The following SGCD variants were observed in gnomAD, a reference collection of about 807,000 sequenced individuals.
SGCD encodes the protein sarcoglycan delta.
SGCD carries 18 observed loss-of-function variants against 36.6 expected under a neutral mutation model. The observed-to-expected ratio is 0.49, with a 90% CI of 0.34 to 0.73. SGCD has a LOEUF of 0.73. SGCD is among the 30% of genes least tolerant of loss of function. The pLI is 0.01. For synonymous variants in SGCD, 133 were observed against 130.6 expected (o/e 1.02, Z -0.12); for missense variants, 387 against 346.7 (o/e 1.12, Z -0.92).
At chr5:156,026,746 C>A (rs78669601) in intron 1 of SGCD, among the ~76,000 whole-genome samples, 7 of 152,046 alleles carry the variant, frequency 4.6e-5, no homozygotes, top group Non-Finnish European at 8.8e-5. Context: ...TCAGATCAGG[C>A]GGTTGTAAGA....
intron 4 of SGCD, among the ~76,000 whole-genome samples, chr5:156,585,415 C>A (rs542755342): frequency 5.9e-5 from 9 of 152,210 alleles, no homozygotes; most frequent in Non-Finnish European, 1.3e-4. Context: ...GAAAAACTTA[C>A]AAACTATCCT....
At chr5:156,279,793 A>C (rs1766404544) in intron 3 of SGCD, among the ~76,000 whole-genome samples, 1 of 152,136 alleles carries the variant, frequency 6.6e-6, no homozygotes, top group African/African-American at 2.4e-5. Context: ...ACTCCCCTAC[A>C]CATGGAAATC....
intron 6 of SGCD, among the ~76,000 whole-genome samples, chr5:156,623,378 C>T (rs1235344956): frequency 1.3e-5 from 2 of 152,196 alleles, no homozygotes; most frequent in African/African-American, 4.8e-5. Flanking sequence ...AGCCCAAATA[C>T]ATCCTTGACA....
intron 3 of SGCD, among the ~76,000 whole-genome samples, chr5:156,495,551 G>A (rs574874214): frequency 6.6e-6 from 1 of 152,280 alleles, no homozygotes; most frequent in East Asian, 1.9e-4. Flanking sequence ...CATACCCCAT[G>A]AAGGAATCTA....
intron 5 of SGCD, among the ~76,000 whole-genome samples, chr5:156,594,083 G>A (rs999651831): frequency 3.3e-5 from 5 of 152,176 alleles, no homozygotes; most frequent in Admixed American, 2.0e-4. Context: ...GGTAGATCCA[G>A]TAGATCCAGC....
intron 1 of SGCD, among the ~76,000 whole-genome samples, chr5:156,104,829 C>G (rs1308964369): frequency 6.6e-6 from 1 of 152,160 alleles, no homozygotes; most frequent in East Asian, 1.9e-4. Flanking sequence ...ACCTTGGTTC[C>G]TTCATCTTTA....
At chr5:156,732,932 G>T (rs1057378153) in intron 7 of SGCD, among the ~76,000 whole-genome samples, 1 of 151,846 alleles carries the variant, frequency 6.6e-6, no homozygotes, top group Admixed American at 6.6e-5. Context: ...CTCCCTTGTC[G>T]TTTCTGATTG....
intron 1 of SGCD, among the ~76,000 whole-genome samples, chr5:156,071,726 T>C (rs1024145237): frequency 5.9e-5 from 9 of 152,176 alleles, no homozygotes; most frequent in African/African-American, 2.2e-4. Flanking sequence ...ATGTTGACAG[T>C]GGGGTGTTAA....
intron 3 of SGCD, among the ~76,000 whole-genome samples, chr5:156,443,492 G>A (rs1217356646): frequency 6.6e-6 from 1 of 152,086 alleles, no homozygotes; most frequent in Non-Finnish European, 1.5e-5. Context: ...TGGGACTGTG[G>A]GTGTTAGAAG....
chr5:156,193,058 C>CAATTTGT (rs1763932415), intron 3 of SGCD, among the ~76,000 whole-genome samples: 1 of 151,986 alleles, frequency 6.6e-6, no homozygotes, highest in South Asian at 2.1e-4. Flanking sequence ...TTTTTAACCA[C>CAATTTGT]TTAAAATTGT....
At chr5:155,812,986 G>C in the SGCD span, among the ~76,000 whole-genome samples, 1 of 151,980 alleles carries the variant, frequency 6.6e-6, no homozygotes, top group Non-Finnish European at 1.5e-5. Flanking sequence ...TATTTTCTGT[G>C]TCTTTGGGCA....
At chr5:156,100,308 A>G (rs1390067605) in intron 1 of SGCD, among the ~76,000 whole-genome samples, 1 of 152,058 alleles carries the variant, frequency 6.6e-6, no homozygotes, top group African/African-American at 2.4e-5. Flanking sequence ...AAAAAAAAAA[A>G]CCATCTAAAG....
chr5:155,949,503 G>T (rs141645824), intron 1 of SGCD, among the ~76,000 whole-genome samples: 1 of 152,140 alleles, frequency 6.6e-6, no homozygotes, highest in African/African-American at 2.4e-5. Context: ...TAATTTGTTC[G>T]ATGTTATGTA....
chr5:156,551,030 C>T (rs376760216), intron 4 of SGCD, among the ~76,000 whole-genome samples: 86 of 152,174 alleles, frequency 5.7e-4, no homozygotes, highest in African/African-American at 2.0e-3. Flanking sequence ...ACTCATTCCT[C>T]ATACTCAACA....
chr5:156,384,749 G>A (rs1771185120), intron 3 of SGCD, among the ~76,000 whole-genome samples: 1 of 152,134 alleles, frequency 6.6e-6, no homozygotes, highest in Non-Finnish European at 1.5e-5. Context: ...AAGAATTCTA[G>A]ACTCTAGGGT....
At chr5:156,411,744 C>A (rs937879751) in intron 3 of SGCD, among the ~76,000 whole-genome samples, 3 of 152,106 alleles carry the variant, frequency 2.0e-5, no homozygotes, top group Non-Finnish European at 2.9e-5. Context: ...TTTCAGTGTC[C>A]CCCAAAGAGA....
chr5:155,779,913 T>C, the SGCD span, among the ~76,000 whole-genome samples: 1 of 152,312 alleles, frequency 6.6e-6, no homozygotes, highest in South Asian at 2.1e-4. Context: ...ATCTGAGTAC[T>C]TTCTCATATC....
At chr5:155,763,792 C>A in the SGCD span, among the ~76,000 whole-genome samples, 1 of 151,982 alleles carries the variant, frequency 6.6e-6, no homozygotes, top group Non-Finnish European at 1.5e-5. Flanking sequence ...GTATAAAAAG[C>A]AATGACCCCC....
chr5:156,049,235 G>A (rs1337809667), intron 1 of SGCD, among the ~76,000 whole-genome samples: 1 of 146,280 alleles, frequency 6.8e-6, no homozygotes, highest in African/African-American at 2.5e-5. Flanking sequence ...TAGGCTTGTA[G>A]TACAGTTTGA....
Sources: gnomAD v4.1 joint callset for allele counts (sites outside exome capture counted in the v4.1 genomes callset) on GRCh38, gnomAD v4.1.1 for gene constraint, MANE v1.5 for transcripts, NCBI Gene and HGNC (gene_info 2026-07-23, HGNC 2026-07-21) for gene names.